PCDHGA2: variants seen among roughly 807,000 people sequenced by gnomAD.
The protein encoded by PCDHGA2 is protocadherin gamma subfamily A, 2.
PCDHGA2 carries 40 observed loss-of-function variants against 59.2 expected under a neutral mutation model. The ratio of observed to expected loss-of-function variants is 0.68; its 90% CI spans 0.52 to 0.88. PCDHGA2 has a LOEUF of 0.88. Among genes scored for constraint, PCDHGA2 ranks in the 40% least tolerant of loss-of-function variants. The pLI, the probability that PCDHGA2 is intolerant of heterozygous loss-of-function variation, is 0.00. For synonymous variants in PCDHGA2, 560 were observed against 526.0 expected, an observed-to-expected ratio of 1.06 and a Z score of -0.89; for missense variants, 1,226 against 1,204.0, an observed-to-expected ratio of 1.02 and a Z score of -0.27.
At chr5:141,394,395 C>A (rs1238779909) in intron 1 of PCDHGA2, 3 of 1,614,146 alleles carry the variant, frequency 1.9e-6, no homozygotes, top group African/African-American at 1.3e-5. Context: ...GATCCGAGAC[C>A]TGCAGCTACT....
intron 1 of PCDHGA2, chr5:141,478,825 T>G: frequency 1.4e-6 from 2 of 1,441,878 alleles, no homozygotes; most frequent in East Asian, 5.0e-5. Context: ...TAACCAATCT[T>G]GCTAAGGGAT....
chr5:141,399,081 G>A (rs1336220348), intron 1 of PCDHGA2: 2 of 1,613,758 alleles, frequency 1.2e-6, no homozygotes, highest in African/African-American at 1.3e-5. Context: ...TAGAAGGGAG[G>A]GATGGTGGTG....
intron 1 of PCDHGA2, chr5:141,389,726 C>A: frequency 6.2e-7 from 1 of 1,612,720 alleles, no homozygotes; most frequent in South Asian, 1.1e-5. Flanking sequence ...AGCCCGGGCT[C>A]TTCAGCCTGG....
At chr5:141,408,271 T>A in intron 1 of PCDHGA2, 23 of 1,610,976 alleles carry the variant, frequency 1.4e-5, no homozygotes, top group Non-Finnish European at 1.9e-5. Context: ...TGCTGCTGCC[T>A]TTGTTCTACC....
intron 1 of PCDHGA2, among the ~76,000 whole-genome samples, chr5:141,462,479 GGTT>G (rs1329069527): frequency 6.6e-6 from 1 of 151,838 alleles, no homozygotes; most frequent in Non-Finnish European, 1.5e-5. Flanking sequence ...TGCTTCTCGT[GGTT>G]GTTGTATCCT....
At position 141,354,063 on chromosome 5, in the gene PCDHGA2, C is replaced by T. The variant is rs542635599; in HGVS notation, c.2424+12668C>T. On this transcript the variant is annotated intron_variant, in intron 1 of 3. Transcript: ENST00000394576. The stretch of plus-strand genomic sequence containing the variant: ...GGCACATGCAATGATAATCCATGTT[C>T]GGCTACCAAAACATTTCCTTTTACT... Among the ~76,000 whole-genome samples the T allele has an allele frequency of 3.2e-4, 49 of 152,240 alleles. 1 individual carries two copies. In the South Asian group the frequency reaches 6.6e-3, roughly 21 times the overall value.
intron 1 of PCDHGA2, chr5:141,415,732 T>G (rs1159160519): frequency 5.0e-6 from 7 of 1,411,138 alleles, no homozygotes; most frequent in Non-Finnish European, 6.5e-6. Context: ...AATTTGATGT[T>G]TATTAAGGTT....
At chr5:141,350,380 C>A in intron 1 of PCDHGA2, 1 of 1,589,508 alleles carries the variant, frequency 6.3e-7, no homozygotes, top group Admixed American at 1.7e-5. Flanking sequence ...AGGAGCTAGC[C>A]AACGGCTCAC....
intron 1 of PCDHGA2, among the ~76,000 whole-genome samples, chr5:141,483,310 A>G (rs2099579870): frequency 6.6e-6 from 1 of 152,156 alleles, no homozygotes; most frequent in African/African-American, 2.4e-5. Context: ...GACTGGGGAC[A>G]TTGGGACTGG....
rs766516627 is a variant in PCDHGA2 at position 141,398,178 on chromosome 5, C to G, written c.2424+56783C>G. The G allele has an allele frequency of 8.2e-6, 12 of 1,472,146 alleles. No individual in the cohort carries two copies. The South Asian group carries it at 8.4e-5, about 10-fold the overall frequency. The allele number at this position is 1,472,146 out of a possible 1,614,324, so 91.2% of individuals were successfully genotyped here. A position where few individuals can be genotyped will look rare whatever the true frequency, so the allele number is the denominator to read the frequency against. ...GCCGGGCTGAGAGGCTGCCAGTGCT[C>G]TTTCTCTTCCTGCTGTCTTTGTTCT... On this transcript the variant is annotated intron_variant, in intron 1 of 3. Coordinates refer to ENST00000394576, the MANE Select transcript of PCDHGA2 (RefSeq NM_018915.4).
intron 1 of PCDHGA2, chr5:141,366,507 A>C: frequency 1.2e-6 from 2 of 1,614,238 alleles, no homozygotes; most frequent in Non-Finnish European, 8.5e-7. Flanking sequence ...CGCCTGCTTC[A>C]GGCTGAAGGC....
chr5:141,492,558 G>A (rs879634396), intron 1 of PCDHGA2, among the ~76,000 whole-genome samples: 1 of 152,236 alleles, frequency 6.6e-6, no homozygotes, highest in South Asian at 2.1e-4. Context: ...CGCCTGGGGG[G>A]CGGCCTGAGC....
intron 1 of PCDHGA2, chr5:141,395,512 A>C: frequency 4.7e-6 from 2 of 421,514 alleles, no homozygotes; most frequent in Non-Finnish European, 8.4e-6. Flanking sequence ...AGAAGTAGCT[A>C]CCCGTCCATA....
intron 1 of PCDHGA2, chr5:141,393,180 A>G: frequency 6.2e-7 from 1 of 1,613,356 alleles, no homozygotes; most frequent in South Asian, 1.1e-5. Context: ...AGAAATAGAA[A>G]TAATTGATAT....
chr5:141,506,471 C>T (rs2099854191), intron 3 of PCDHGA2, among the ~76,000 whole-genome samples: 2 of 148,834 alleles, frequency 1.3e-5, no homozygotes, highest in African/African-American at 5.0e-5. Flanking sequence ...AAAAAGAGCA[C>T]AGGCTTTAGA....
intron 1 of PCDHGA2, among the ~76,000 whole-genome samples, chr5:141,470,598 G>A (rs2099234276): frequency 6.6e-6 from 1 of 152,184 alleles, no homozygotes; most frequent in Admixed American, 6.5e-5. Flanking sequence ...GGCGACCTGT[G>A]CGGGGACACA....
intron 1 of PCDHGA2, chr5:141,413,750 G>T (rs1325273363): frequency 6.2e-7 from 1 of 1,612,538 alleles, no homozygotes; most frequent in African/African-American, 1.3e-5. Flanking sequence ...CGTGCCAATG[G>T]CGTCAAGTAC....
At chr5:141,400,007 C>T (rs907315450) in intron 1 of PCDHGA2, 30 of 1,612,624 alleles carry the variant, frequency 1.9e-5, no homozygotes, top group Non-Finnish European at 2.5e-5. Flanking sequence ...ACAGCGCGTG[C>T]CTTGGGCGAC....
intron 1 of PCDHGA2, chr5:141,372,153 C>T: frequency 6.2e-7 from 1 of 1,613,800 alleles, no homozygotes; most frequent in East Asian, 2.2e-5. Context: ...GCCTGGCTAC[C>T]TGGTGACCAA....
Sources: allele counts gnomAD v4.1 joint callset (sites outside exome capture counted in the v4.1 genomes callset), GRCh38; gene constraint gnomAD v4.1.1; transcripts MANE v1.5; gene names NCBI Gene and HGNC (gene_info 2026-07-23, HGNC 2026-07-21).